Variants in UMPS observed in about 807,000 individuals in gnomAD.
UMPS encodes uridine 5'-monophosphate synthase.
In UMPS, 21 loss-of-function variants were observed where a neutral mutation model predicts 38.9. The ratio of observed to expected loss-of-function variants is 0.54; its 90% confidence interval spans 0.38 to 0.78. The LOEUF (loss-of-function observed/expected upper bound fraction) is 0.78, where lower values mean the gene tolerates loss of function less well. Ranked by LOEUF, UMPS falls within the 30% of genes least tolerant of loss-of-function variation. UMPS has a pLI of 0.00. For missense variants in UMPS, 533 were observed against 591.6 expected, an observed-to-expected ratio of 0.90 and a Z score of 1.03; for synonymous variants, 208 against 219.3, an observed-to-expected ratio of 0.95 and a Z score of 0.45.
At chr3:124,732,009 A>G (rs1293216279) in intron 1 of UMPS, among the ~76,000 whole-genome samples, 2 of 151,652 alleles carry the variant, frequency 1.3e-5, no homozygotes, top group African/African-American at 4.8e-5. Flanking sequence ...CATACTGCCC[A>G]GGCTCGTCTC....
rs1407309927 is a variant in UMPS, at chr3:124,749,197, T to C, written c.*5113T>C. On this transcript the variant is annotated 3_prime_UTR_variant, in exon 6 of 6. Coordinates refer to ENST00000232607, the MANE Select transcript of UMPS (RefSeq NM_000373.4). Reference sequence around the variant, plus strand: ...CTTGAATAGATACTTGAAGCAGAGATGATGTTGAGTTAAAAAAAATATATA... The same window carrying C: ...CTTGAATAGATACTTGAAGCAGAGACGATGTTGAGTTAAAAAAAATATATA... 2.2e-5 allele frequency: 10 copies of C among 453,892 alleles called. No individual in the cohort carries two copies. The East Asian group carries it at 3.5e-4, about 16-fold the overall frequency. The allele number at this position is 453,892 out of a possible 1,614,324, so 28.1% of individuals were successfully genotyped here.
At chr3:124,730,792 G>C (rs528963592) in intron 1 of UMPS, among the ~76,000 whole-genome samples, 165 bp downstream of exon 1, 1 of 152,296 alleles carries the variant, frequency 6.6e-6, no homozygotes, top group South Asian at 2.1e-4. Context: ...ACAGAGGCCA[G>C]GGGTTGGGCT....
chr3:124,740,226 G>T (rs201505388), intron 4 of UMPS, 27 bp downstream of exon 4: 1 of 1,588,128 alleles, frequency 6.3e-7, no homozygotes, highest in East Asian at 2.2e-5. Context: ...CTGGGTGAGA[G>T]GGGGCAGGGG....
In UMPS at chr3:124,748,018, AAACAC is replaced by A. The variant is rs1559910864; in HGVS notation, c.*3937_*3941del. The A allele has an allele frequency of 6.7e-6, 3 of 450,456 alleles. No homozygotes were observed. The highest frequency in any genetic ancestry group is 8.9e-6 in the Non-Finnish European group (2 of 224,880). 27.9% of individuals were successfully genotyped at this position (450,456 alleles called of 1,614,324 possible). A position where few individuals can be genotyped will look rare whatever the true frequency, so the allele number is the denominator to read the frequency against. On this transcript the variant is annotated 3_prime_UTR_variant, in exon 6 of 6. Transcript: ENST00000232607. ...TTCCTTTTTGAAGGAATCTGATACTAAACACAAAGCATGAGAAAAATCAGGACTTG... is the reference window on the plus strand; with the variant it reads ...TTCCTTTTTGAAGGAATCTGATACTAAAAGCATGAGAAAAATCAGGACTTG...
chr3:124,735,261 A>G lies in UMPS; in HGVS notation c.310+15A>G, dbSNP rs917239336. Reference sequence around the variant, plus strand: ...AAAGGATTATGGTAAAATAAAAGTAACATAAAGCATGAAGTTAATTAATCT... The same window carrying G: ...AAAGGATTATGGTAAAATAAAAGTAGCATAAAGCATGAAGTTAATTAATCT... On this transcript the variant is annotated intron_variant, in intron 2 of 5. Transcript: ENST00000232607. The G allele has an allele frequency of 1.2e-6, 2 of 1,603,830 alleles. No homozygotes were observed. Among genetic ancestry groups the G allele is most frequent in the Non-Finnish European group, 1.7e-6 (2 of 1,171,530 alleles).
Position 124,745,512 on chromosome 3 carries a change from G to A in UMPS, c.*1428G>A. On this transcript the variant is annotated 3_prime_UTR_variant, in exon 6 of 6. Coordinates refer to ENST00000232607, the MANE Select transcript of UMPS (RefSeq NM_000373.4). ...CCGAGTAGCTGGGACTACAAGCCTAGGATTTTTAACTCAGGTTTTTATTAT... is the reference window on the plus strand; with the variant it reads ...CCGAGTAGCTGGGACTACAAGCCTAAGATTTTTAACTCAGGTTTTTATTAT... 2.2e-6 allele frequency: 1 copy of A among 453,918 alleles called. No individual in the cohort carries two copies. Among genetic ancestry groups the A allele is most frequent in the South Asian group, 1.6e-5 (1 of 64,458 alleles). 28.1% of individuals were successfully genotyped at this position (453,918 alleles called of 1,614,324 possible). A position where few individuals can be genotyped will look rare whatever the true frequency, so the allele number is the denominator to read the frequency against.
In UMPS at chr3:124,748,114, A is replaced by G. The variant is rs990993320; in HGVS notation, c.*4030A>G. On this transcript the variant is annotated 3_prime_UTR_variant, in exon 6 of 6. Transcript: ENST00000232607. Reference sequence around the variant, plus strand: ...TATATTAGATATAATATATAATAGTATATATAAATAATACTATATTGCCCA... The same window carrying G: ...TATATTAGATATAATATATAATAGTGTATATAAATAATACTATATTGCCCA... 4.8e-5 allele frequency: 17 copies of G among 355,848 alleles called. No individual in the cohort carries two copies. Among genetic ancestry groups the G allele is most frequent in the African/African-American group, 3.2e-4 (15 of 46,306 alleles). The allele number at this position is 355,848 out of a possible 1,614,324, so 22.0% of individuals were successfully genotyped here. A position where few individuals can be genotyped will look rare whatever the true frequency, so the allele number is the denominator to read the frequency against.
rs769079658 is a variant in UMPS, at chr3:124,746,769, G to C, written c.*2685G>C. ...AAGCCCATAGATTGTGTGTGTGTGTGTGTGTGTGTGTGTGTGTGTGTGTGT... is the reference window on the plus strand; with the variant it reads ...AAGCCCATAGATTGTGTGTGTGTGTCTGTGTGTGTGTGTGTGTGTGTGTGT... On this transcript the variant is annotated 3_prime_UTR_variant, in exon 6 of 6. Coordinates refer to ENST00000232607, the MANE Select transcript of UMPS (RefSeq NM_000373.4). 4.6e-6 allele frequency: 1 copy of C among 219,474 alleles called. No homozygotes were observed. The highest frequency in any genetic ancestry group is 4.7e-5 in the African/African-American group (1 of 21,082). The allele number at this position is 219,474 out of a possible 1,614,324, so 13.6% of individuals were successfully genotyped here.
chr3:124,738,015 A>G lies in UMPS; in HGVS notation c.758A>G (p.Asn253Ser), dbSNP rs756547413. 7.4e-6 allele frequency: 12 copies of G among 1,614,116 alleles called. No homozygotes were observed. The highest frequency in any genetic ancestry group is 2.7e-5 in the African/African-American group (2 of 74,954). ...AGGCTTATGCAAAAGAAGGAGACCA[A>G]TCTGTGTCTATCTGCTGATGTTTCA... ...LLRLMQKKET[N>S]LCLSADVSLA... The change falls in exon 3 of 6, where the codon AAT becomes AGT. Residue 253 changes from asparagine (N) to serine (S), a missense_variant. Asn to Ser is a conservative substitution (Grantham distance 46). Coordinates refer to ENST00000232607, the MANE Select transcript of UMPS (RefSeq NM_000373.4).
chr3:124,736,775 TTGTTCAAGAAG>T (rs1165050104), intron 2 of UMPS, among the ~76,000 whole-genome samples: 1 of 152,178 alleles, frequency 6.6e-6, no homozygotes, highest in Non-Finnish European at 1.5e-5. Flanking sequence ...AACTTACCAG[TTGTTCAAGAAG>T]CGGAAAGGAT....
chr3:124,731,968 ATT>A (rs35554685), intron 1 of UMPS, among the ~76,000 whole-genome samples: 4 of 148,778 alleles, frequency 2.7e-5, no homozygotes, highest in African/African-American at 4.9e-5. Context: ...CAAATTAAAA[ATT>A]TTTTTTTTTT....
At chr3:124,733,068 T>C (rs1465190707) in intron 1 of UMPS, among the ~76,000 whole-genome samples, 2 of 151,876 alleles carry the variant, frequency 1.3e-5, no homozygotes, top group African/African-American at 4.8e-5. Context: ...TCTTTTCACA[T>C]CTTATGCGAA....
chr3:124,744,565 C>T lies in UMPS; in HGVS notation c.*481C>T, dbSNP rs933286560. On this transcript the variant is annotated 3_prime_UTR_variant, in exon 6 of 6. Coordinates refer to ENST00000232607, the MANE Select transcript of UMPS (RefSeq NM_000373.4). ...CTGGTGCTATAGGCATGCACCACCA[C>T]GTCCATCTAAATTTCTTTATTATTT... is the stretch of plus-strand genomic sequence containing the variant. The T allele has an allele frequency of 3.5e-5, 16 of 453,824 alleles. No homozygotes were observed. The highest frequency in any genetic ancestry group is 6.8e-4 in the Middle Eastern group (1 of 1,466). The allele number at this position is 453,824 out of a possible 1,614,324, so 28.1% of individuals were successfully genotyped here.
Position 124,747,838 on chromosome 3 carries a change from T to C in UMPS, c.*3754T>C. 2.2e-6 allele frequency: 1 copy of C among 453,054 alleles called. No homozygotes were observed. Among genetic ancestry groups the C allele is most frequent in the Middle Eastern group, 6.9e-4 (1 of 1,444 alleles). 28.1% of individuals were successfully genotyped at this position (453,054 alleles called of 1,614,324 possible). On this transcript the variant is annotated 3_prime_UTR_variant, in exon 6 of 6. Transcript: ENST00000232607. ...TCCCAGCGAAATAGCTGCTTGGTCTTGTGTGAATCCTGTACTTTAACACAG... is the reference window on the plus strand; with the variant it reads ...TCCCAGCGAAATAGCTGCTTGGTCTCGTGTGAATCCTGTACTTTAACACAG...
At position 124,738,242 on chromosome 3, in the gene UMPS, A is replaced by G. The variant is rs1343025826; in HGVS notation, c.982+3A>G. 2 of 1,613,680 alleles carry G rather than the reference A, an allele frequency of 1.2e-6. No individual in the cohort carries two copies. The highest frequency in any genetic ancestry group is 3.3e-5 in the Admixed American group (2 of 60,026). On this transcript the variant is annotated splice_donor_region_variant and intron_variant, in intron 3 of 5. Coordinates refer to ENST00000232607, the MANE Select transcript of UMPS (RefSeq NM_000373.4). The stretch of plus-strand genomic sequence containing the variant: ...CACAGTGAAAAAGCAGTATGAAGGT[A>G]AGTGTATTATTCAGGAATCTGCAAG...
At position 124,740,918 on chromosome 3, in the gene UMPS, C is replaced by T. The variant is rs565813798; in HGVS notation, c.1158+719C>T. 2.1e-3 allele frequency among the ~76,000 whole-genome samples: 323 copies of T among 152,174 alleles called. 1 individual carries two copies. Among genetic ancestry groups the T allele is most frequent in the Non-Finnish European group, 3.4e-3 (230 of 68,012 alleles). ...GAGCCATGATCATGCCACTTTACCT[C>T]AGCCTGGGCAAGAGTAAGAGCCTGT... is the stretch of plus-strand genomic sequence containing the variant. On this transcript the variant is annotated intron_variant, in intron 4 of 5. Coordinates refer to ENST00000232607, the MANE Select transcript of UMPS (RefSeq NM_000373.4).
chr3:124,732,967 G>GGTGTGTGTGT (rs61383415), intron 1 of UMPS, among the ~76,000 whole-genome samples: 7,346 of 147,624 alleles, frequency 0.05, 404 homozygotes, highest in African/African-American at 0.13. Flanking sequence ...ACTAGATCAT[G>GGTGTGTGTGT]GTGTGTGTGT....
At chr3:124,740,263 T>C in intron 4 of UMPS, 64 bp downstream of exon 4, 2 of 1,498,088 alleles carry the variant, frequency 1.3e-6, no homozygotes, top group Non-Finnish European at 1.8e-6. Context: ...TGCAAGAAGA[T>C]ATCTCCTAAT....
chr3:124,747,381 G>A lies in UMPS; in HGVS notation c.*3297G>A, dbSNP rs781288020. On this transcript the variant is annotated 3_prime_UTR_variant, in exon 6 of 6. Coordinates refer to ENST00000232607, the MANE Select transcript of UMPS (RefSeq NM_000373.4). ...GCCGCTGAGCTAGCTGCTAATGCTGGCCTGGGTGCAGTTCTCATCCAAAGT... is the reference window on the plus strand; with the variant it reads ...GCCGCTGAGCTAGCTGCTAATGCTGACCTGGGTGCAGTTCTCATCCAAAGT... 6 of 454,694 alleles carry A rather than the reference G, an allele frequency of 1.3e-5. No homozygotes were observed. Among genetic ancestry groups the A allele is most frequent in the South Asian group, 7.7e-5 (5 of 65,266 alleles). 28.2% of individuals were successfully genotyped at this position (454,694 alleles called of 1,614,324 possible). A position where few individuals can be genotyped will look rare whatever the true frequency, so the allele number is the denominator to read the frequency against.
Sources: gnomAD v4.1 joint callset for allele counts (sites outside exome capture counted in the v4.1 genomes callset) on GRCh38, gnomAD v4.1.1 for gene constraint, MANE v1.5 for transcripts, NCBI Gene and HGNC (gene_info 2026-07-23, HGNC 2026-07-21) for gene names.